The following ADAMTS3 variants were observed in gnomAD, a reference collection of about 807,000 sequenced individuals.
The protein encoded by ADAMTS3 is A disintegrin and metalloproteinase with thrombospondin motifs 3.
A neutral mutation model predicts 129.0 loss-of-function variants in ADAMTS3; 73 were observed. The observed-to-expected ratio is 0.57, with a 90% confidence interval of 0.47 to 0.69. The LOEUF (loss-of-function observed/expected upper bound fraction) is 0.69. ADAMTS3 is among the 30% of genes least tolerant of loss of function. ADAMTS3 has a pLI of 0.00. For missense variants in ADAMTS3, 1,457 were observed against 1,514.5 expected (o/e 0.96, Z 0.63); for synonymous variants, 477 against 510.8 (o/e 0.93, Z 0.89).
At chr4:72,386,833 A>T (rs1185133908) in intron 4 of ADAMTS3, among the ~76,000 whole-genome samples, 1 of 152,196 alleles carries the variant, frequency 6.6e-6, no homozygotes. Flanking sequence ...ACACACTGTG[A>T]TGTTTTTAAG....
At chr4:72,522,955 T>C (rs1036894941) in intron 3 of ADAMTS3, among the ~76,000 whole-genome samples, 1 of 152,056 alleles carries the variant, frequency 6.6e-6, no homozygotes, top group Admixed American at 6.5e-5. Flanking sequence ...ACATAAAACA[T>C]GAATCTTAAT....
At chr4:72,517,723 CTCT>C (rs1291971556) in intron 3 of ADAMTS3, among the ~76,000 whole-genome samples, 1 of 151,634 alleles carries the variant, frequency 6.6e-6, no homozygotes, top group African/African-American at 2.4e-5. Flanking sequence ...TGATTCTTCT[CTCT>C]TTTTTTCTTT....
intron 4 of ADAMTS3, among the ~76,000 whole-genome samples, chr4:72,407,367 T>C (rs1314413680): frequency 1.3e-5 from 2 of 152,030 alleles, no homozygotes; most frequent in African/African-American, 4.8e-5. Flanking sequence ...ATAAAGAAAA[T>C]CTGCTTTTAT....
intron 3 of ADAMTS3, among the ~76,000 whole-genome samples, chr4:72,478,140 T>A (rs1342764301): frequency 1.3e-5 from 2 of 152,210 alleles, no homozygotes; most frequent in African/African-American, 4.8e-5. Flanking sequence ...CCATTCTTTC[T>A]GAAACTATTC....
rs555603185 is a variant in ADAMTS3 at position 72,360,912 on chromosome 4, A to G, written c.662-21219T>C. Among the ~76,000 whole-genome samples, 92 of 152,176 alleles carry G rather than the reference A, an allele frequency of 6.0e-4. 1 individual carries two copies. The highest frequency in any genetic ancestry group is 2.1e-3 in the African/African-American group (86 of 41,550). ...TAGTACATGTGATTTATTCCAGATT[A>G]AAATTTTGATATGTGTATGTTGAAT... On this transcript the variant is annotated intron_variant, in intron 4 of 21. Coordinates refer to ENST00000286657, the MANE Select transcript of ADAMTS3 (RefSeq NM_014243.3).
rs146396957 is a variant in ADAMTS3 at position 72,541,774 on chromosome 4, T to C, written c.504+6704A>G. 5.3e-3 allele frequency among the ~76,000 whole-genome samples: 813 copies of C among 152,348 alleles called. 1 individual carries two copies. The highest frequency in any genetic ancestry group is 0.019 in the African/African-American group (785 of 41,576). ...GTAAGATGTGCCTTTGTTCCTCCTT[T>C]GCCTTCCACCACGATTGTGAGGCCT... On this transcript the variant is annotated intron_variant, in intron 3 of 21. Transcript: ENST00000286657.
rs777412893 is a variant in ADAMTS3, at chr4:72,318,572, C to T, written c.1485G>A (p.Ala495=). 3.1e-6 allele frequency: 5 copies of T among 1,612,990 alleles called. No homozygotes were observed. Among genetic ancestry groups the T allele is most frequent in the Non-Finnish European group, 2.5e-6 (3 of 1,179,614 alleles). ...TCTACATCAACTGTGAGCAACATACCGCGGTGCACATTTTATAGCCAACAC... is the reference window on the plus strand; with the variant it reads ...TCTACATCAACTGTGAGCAACATACTGCGGTGCACATTTTATAGCCAACAC... The part of the protein sequence containing the change: ...DFGVGYKMCT[A]FRTFDPCKQL... The change falls in exon 10 of 22, where the codon GCG becomes GCA. Residue 495 remains alanine, a splice_region_variant and synonymous_variant. Transcript: ENST00000286657.
At chr4:72,417,774 C>A (rs1024359107) in intron 3 of ADAMTS3, among the ~76,000 whole-genome samples, 50 of 150,188 alleles carry the variant, frequency 3.3e-4, no homozygotes, top group East Asian at 9.9e-4. Flanking sequence ...ACTAAAAATA[C>A]AAAAAAAAAT....
intron 3 of ADAMTS3, among the ~76,000 whole-genome samples, chr4:72,466,027 T>C (rs549311294): frequency 1.3e-5 from 2 of 152,198 alleles, no homozygotes; most frequent in South Asian, 2.1e-4. Context: ...CTTGGGCATA[T>C]CTTTATTAGC....
intron 3 of ADAMTS3, among the ~76,000 whole-genome samples, chr4:72,468,068 A>G (rs547175620): frequency 1.8e-4 from 27 of 152,126 alleles, no homozygotes; most frequent in Non-Finnish European, 3.7e-4. Flanking sequence ...GTATTATTTC[A>G]CTAATCCTTC....
At chr4:72,564,752 T>C (rs1323703005) in intron 2 of ADAMTS3, among the ~76,000 whole-genome samples, 1 of 152,170 alleles carries the variant, frequency 6.6e-6, no homozygotes, top group East Asian at 1.9e-4. Context: ...TTCTAACCTG[T>C]CCCCATCACA....
At chr4:72,517,383 A>G (rs1266376920) in intron 3 of ADAMTS3, among the ~76,000 whole-genome samples, 8 of 152,156 alleles carry the variant, frequency 5.3e-5, no homozygotes, top group South Asian at 2.1e-4. Flanking sequence ...CTCTTTTTCT[A>G]TTGATTGGAA....
intron 4 of ADAMTS3, among the ~76,000 whole-genome samples, chr4:72,389,246 G>T (rs1721523540): frequency 6.6e-6 from 1 of 151,974 alleles, no homozygotes; most frequent in Non-Finnish European, 1.5e-5. Context: ...TACCGCACAG[G>T]TATCCTAACT....
At chr4:72,562,600 G>A (rs565705269) in intron 2 of ADAMTS3, among the ~76,000 whole-genome samples, 1 of 152,246 alleles carries the variant, frequency 6.6e-6, no homozygotes, top group African/African-American at 2.4e-5. Flanking sequence ...AAAATACAGT[G>A]TGTGTACTGA....
intron 3 of ADAMTS3, among the ~76,000 whole-genome samples, chr4:72,485,600 C>G (rs748960726): frequency 1.4e-4 from 22 of 152,138 alleles, no homozygotes; most frequent in South Asian, 8.3e-4. Flanking sequence ...TCCTAACTTC[C>G]TATTTTTTAA....
chr4:72,303,945 C>T lies in ADAMTS3; in HGVS notation c.2396G>A (p.Gly799Glu). 1 of 1,613,530 alleles carries T rather than the reference C, an allele frequency of 6.2e-7. No individual in the cohort carries two copies. The highest frequency in any genetic ancestry group is 2.2e-5 in the East Asian group (1 of 44,842). Residue 799 changes from glycine (G) to glutamate (E), a missense_variant, in exon 17 of 22, where the codon GGA (glycine) becomes GAA (glutamate). Gly to Glu is a moderately conservative substitution (Grantham distance 98). Transcript: ENST00000286657. ...AACAATAACAGGATCATGTAAAGGTCCATCGGTGTGAAGACTTTCAATGTC... is the reference window on the plus strand; with the variant it reads ...AACAATAACAGGATCATGTAAAGGTTCATCGGTGTGAAGACTTTCAATGTC... ...EDDIESLHTD[G>E]PLHDPVIVLI...
At chr4:72,546,659 T>G (rs1285836349) in intron 3 of ADAMTS3, among the ~76,000 whole-genome samples, 1 of 152,146 alleles carries the variant, frequency 6.6e-6, no homozygotes, top group Admixed American at 6.5e-5. Flanking sequence ...TTCTTTAGAT[T>G]ATGAAACACA....
Position 72,318,696 on chromosome 4 carries a change from T to C in ADAMTS3, c.1361A>G (p.Asp454Gly). The change falls in exon 10 of 22, where the codon GAC becomes GGC. Residue 454 changes from aspartate to glycine, a missense_variant. Physicochemically the swap from Asp to Gly is moderately conservative, Grantham distance 94. Transcript: ENST00000286657. Reference protein sequence around the residue: ...QELKRYIHSYDCLLDDPFDHD... With the variant: ...QELKRYIHSYGCLLDDPFDHD... ...ATCAAAAGGGTCATCAAGGAGACAG[T>C]CATAGGAACTGTAGGAAGAAAAATA... is the stretch of plus-strand genomic sequence containing the variant. The C allele has an allele frequency of 6.2e-7, 1 of 1,613,002 alleles. No individual in the cohort carries two copies. The highest frequency in any genetic ancestry group is 8.5e-7 in the Non-Finnish European group (1 of 1,179,600).
At chr4:72,474,976 G>A (rs944719045) in intron 3 of ADAMTS3, among the ~76,000 whole-genome samples, 25 of 150,064 alleles carry the variant, frequency 1.7e-4, no homozygotes, top group Admixed American at 9.9e-4. Flanking sequence ...GCAGTGAGCC[G>A]AGATCCCGCC....
Sources: gnomAD v4.1 joint callset for allele counts (sites outside exome capture counted in the v4.1 genomes callset) on GRCh38, gnomAD v4.1.1 for gene constraint, MANE v1.5 for transcripts, NCBI Gene and HGNC (gene_info 2026-07-23, HGNC 2026-07-21) for gene names.